The following SH2D4B variants were observed in gnomAD, a reference collection of about 807,000 sequenced individuals.
SH2D4B encodes SH2 domain containing 4B.
Under a neutral mutation model 61.5 loss-of-function variants are expected in SH2D4B, and 45 were observed. The observed-to-expected ratio is 0.73, with a 90% CI of 0.58 to 0.94. The LOEUF (loss-of-function observed/expected upper bound fraction) is 0.94. SH2D4B is among the 40% of genes least tolerant of loss of function. SH2D4B has a pLI of 0.00. For synonymous variants in SH2D4B, 224 were observed against 220.4 expected (o/e 1.02, Z -0.14); for missense variants, 572 against 574.2 (o/e 1.00, Z 0.04).
At chr10:80,588,033 T>G (rs1484976890) in intron 3 of SH2D4B, among the ~76,000 whole-genome samples, 2 of 152,146 alleles carry the variant, frequency 1.3e-5, no homozygotes, top group Non-Finnish European at 2.9e-5. Flanking sequence ...CACCACCACT[T>G]TATTACTAAA....
intron 1 of SH2D4B, among the ~76,000 whole-genome samples, chr10:80,543,428 C>G (rs558604386): frequency 3.3e-5 from 5 of 152,176 alleles, no homozygotes; most frequent in African/African-American, 9.6e-5. Flanking sequence ...AATTTCTCAC[C>G]GGGCCTTAGC....
At chr10:80,613,789 G>A (rs1417690429) in intron 6 of SH2D4B, among the ~76,000 whole-genome samples, 1 of 152,194 alleles carries the variant, frequency 6.6e-6, no homozygotes, top group African/African-American at 2.4e-5. Flanking sequence ...AAGTAGAATG[G>A]ACACTTCTTC....
rs762896769 is a variant in SH2D4B at position 80,571,597 on chromosome 10, C to T, written c.495+19C>T. On this transcript the variant is annotated intron_variant, in intron 3 of 7. Transcript: ENST00000646907. ...ATTCAAGGTGGGCCAGCGCATGGGG[C>T]CCCTGCGTGCGGCCACCTAATTAGC... 1.2e-6 allele frequency: 2 copies of T among 1,611,542 alleles called. No individual in the cohort carries two copies.
chr10:80,569,537 G>C (rs183209771), intron 1 of SH2D4B, among the ~76,000 whole-genome samples: 1 of 139,122 alleles, frequency 7.2e-6, no homozygotes, highest in Admixed American at 7.1e-5. Flanking sequence ...TTAAGGGAAG[G>C]GGGAAGAGGC....
chr10:80,566,389 A>T, intron 1 of SH2D4B, among the ~76,000 whole-genome samples: 1 of 147,820 alleles, frequency 6.8e-6, no homozygotes, highest in Non-Finnish European at 1.5e-5. Context: ...TCTGCCTCCT[A>T]GGTTGAAGCA....
At chr10:80,557,465 A>G (rs1050736639) in intron 1 of SH2D4B, among the ~76,000 whole-genome samples, 3 of 152,060 alleles carry the variant, frequency 2.0e-5, no homozygotes, top group African/African-American at 7.2e-5. Context: ...TCTTCCTTAA[A>G]TGTTTGATGG....
intron 6 of SH2D4B, among the ~76,000 whole-genome samples, chr10:80,621,640 C>T (rs562290237): frequency 6.6e-6 from 1 of 152,284 alleles, no homozygotes; most frequent in Admixed American, 6.5e-5. Context: ...AGCTCACAGC[C>T]TTGGGAGGAT....
At chr10:80,550,172 A>C (rs1466011425) in intron 1 of SH2D4B, among the ~76,000 whole-genome samples, 1 of 149,492 alleles carries the variant, frequency 6.7e-6, no homozygotes, top group East Asian at 2.0e-4. Flanking sequence ...ATGAAGGAGA[A>C]CTCCTCCAGA....
At chr10:80,615,791 C>T (rs1405454821) in intron 6 of SH2D4B, among the ~76,000 whole-genome samples, 2 of 152,038 alleles carry the variant, frequency 1.3e-5, no homozygotes, top group African/African-American at 4.8e-5. Context: ...CAGTGTGGAC[C>T]CAGGCACTAA....
chr10:80,540,699 C>T, intron 1 of SH2D4B: 3 of 815,156 alleles, frequency 3.7e-6, no homozygotes, highest in Non-Finnish European at 5.7e-6. Context: ...AATTCATTCA[C>T]TTATCCAGCA....
intron 1 of SH2D4B, among the ~76,000 whole-genome samples, chr10:80,553,008 C>T (rs915013255): frequency 6.6e-6 from 1 of 152,080 alleles, no homozygotes; most frequent in Admixed American, 6.5e-5. Flanking sequence ...CTCTGCCTCC[C>T]GGATTCAAGT....
chr10:80,637,971 G>A (rs560185027), intron 7 of SH2D4B, among the ~76,000 whole-genome samples: 24 of 152,236 alleles, frequency 1.6e-4, no homozygotes, highest in Admixed American at 1.5e-3. Flanking sequence ...TCAGTACCTA[G>A]TTTATTGAGA....
intron 1 of SH2D4B, 93 bp from the exon 2 acceptor site, chr10:80,570,061 G>T: frequency 1.4e-6 from 2 of 1,442,678 alleles, no homozygotes; most frequent in Non-Finnish European, 1.9e-6. Context: ...GTTCCATAGA[G>T]TGATGTGATG....
At chr10:80,588,519 C>T in intron 3 of SH2D4B, 111 bp from the exon 4 acceptor site, 1 of 1,367,844 alleles carries the variant, frequency 7.3e-7, no homozygotes, top group Non-Finnish European at 1.0e-6. Context: ...GCTGGAGAGG[C>T]CACTGCTGCA....
intron 6 of SH2D4B, among the ~76,000 whole-genome samples, chr10:80,619,860 C>T (rs1340151841): frequency 2.0e-5 from 3 of 152,236 alleles, no homozygotes; most frequent in Non-Finnish European, 4.4e-5. Flanking sequence ...TCTACCCAAA[C>T]TGAAAAGACT....
In SH2D4B at chr10:80,629,029, C is replaced by CAAAAAAA. The variant is rs55766810; in HGVS notation, c.989-5250_989-5244dup. ...TGGGTGACAGAGCGAGACTCTATCT[C>CAAAAAAA]AAAAAAAAAAAAGAAAAAGAAAAAG... On this transcript the variant is annotated intron_variant, in intron 6 of 7. Coordinates refer to ENST00000646907, the MANE Select transcript of SH2D4B (RefSeq NM_001388272.1). Among the ~76,000 whole-genome samples the CAAAAAAA allele has an allele frequency of 2.3e-4, 31 of 135,352 alleles. No homozygotes were observed. The South Asian group carries it at 5.6e-3, about 24-fold the overall frequency. The allele number at this position is 135,352 out of a possible 152,430, so 88.8% of individuals were successfully genotyped here.
Position 80,605,656 on chromosome 10 carries a change from T to A in SH2D4B, c.860+1861T>A, listed in dbSNP as rs1159746897. 2.0e-5 allele frequency among the ~76,000 whole-genome samples: 3 copies of A among 152,110 alleles called. 1 individual carries two copies. The East Asian group carries it at 5.8e-4, about 29-fold the overall frequency. On this transcript the variant is annotated intron_variant, in intron 5 of 7. Coordinates refer to ENST00000646907, the MANE Select transcript of SH2D4B (RefSeq NM_001388272.1). ...GCCTCAGCCTCCTGAGTAGCTGGGA[T>A]TATGGGTGCGTGCCATCACACCCGG...
At chr10:80,546,526 AT>A (rs61475653) in intron 1 of SH2D4B, among the ~76,000 whole-genome samples, 4,790 of 138,298 alleles carry the variant, frequency 0.035, 206 homozygotes, top group African/African-American at 0.11. Context: ...AGCATACGGT[AT>A]TTTTTTTTTT....
chr10:80,626,624 A>G (rs1034696350), intron 6 of SH2D4B, among the ~76,000 whole-genome samples: 2 of 152,136 alleles, frequency 1.3e-5, no homozygotes, highest in African/African-American at 2.4e-5. Context: ...TGGGTGTGTC[A>G]TGCCTGGTCT....
Sources: gnomAD v4.1 joint callset for allele counts (sites outside exome capture counted in the v4.1 genomes callset) on GRCh38, gnomAD v4.1.1 for gene constraint, MANE v1.5 for transcripts, NCBI Gene and HGNC (gene_info 2026-07-23, HGNC 2026-07-21) for gene names.